Variants in PTPRD observed in about 807,000 individuals in gnomAD.
The protein encoded by PTPRD is receptor-type tyrosine-protein phosphatase delta.
In PTPRD, 34 loss-of-function variants were observed where a neutral mutation model predicts 214.5. That is an observed-to-expected ratio of 0.16 (90% CI 0.12 to 0.21). PTPRD has a LOEUF of 0.21. Ranked by LOEUF, PTPRD falls within the 10% of genes least tolerant of loss-of-function variation. The pLI, the probability that PTPRD is intolerant of heterozygous loss-of-function variation, is 1.00. For missense variants in PTPRD, 2,545 were observed against 2,398.7 expected (o/e 1.06, Z -1.27); for synonymous variants, 1,128 against 845.7 (o/e 1.33, Z -5.79).
chr9:10,317,418 T>G (rs2154424582), intron 3 of PTPRD, among the ~76,000 whole-genome samples: 1 of 152,072 alleles, frequency 6.6e-6, no homozygotes, highest in Admixed American at 6.6e-5. Context: ...AAATTTTCTT[T>G]TGTCAAACAA....
At chr9:9,762,871 G>A (rs1396695118) in intron 6 of PTPRD, among the ~76,000 whole-genome samples, 1 of 152,140 alleles carries the variant, frequency 6.6e-6, no homozygotes, top group Admixed American at 6.5e-5. Context: ...TAGACCAAGT[G>A]GCTTAAACAA....
At chr9:9,722,897 T>C (rs1564775183) in intron 7 of PTPRD, among the ~76,000 whole-genome samples, 1 of 152,096 alleles carries the variant, frequency 6.6e-6, no homozygotes, top group African/African-American at 2.4e-5. Context: ...TGGGTTGTCT[T>C]TTTATGTTTG....
intron 3 of PTPRD, among the ~76,000 whole-genome samples, chr9:10,143,583 G>A (rs948728329): frequency 1.3e-5 from 2 of 151,168 alleles, no homozygotes; most frequent in African/African-American, 4.9e-5. Context: ...AAAAAAAATT[G>A]TATCAAAAAG....
chr9:9,132,620 A>C (rs565225137), intron 10 of PTPRD, among the ~76,000 whole-genome samples: 1 of 152,316 alleles, frequency 6.6e-6, no homozygotes, highest in East Asian at 1.9e-4. Flanking sequence ...ATAAACAATA[A>C]GAAGAAGTCA....
chr9:10,566,320 C>A (rs1436534543), intron 2 of PTPRD, among the ~76,000 whole-genome samples: 1 of 151,772 alleles, frequency 6.6e-6, no homozygotes, highest in African/African-American at 2.4e-5. Flanking sequence ...TGTATATTGT[C>A]AGCTTTTCTA....
intron 8 of PTPRD, among the ~76,000 whole-genome samples, chr9:9,535,703 G>T (rs961302587): frequency 6.6e-6 from 1 of 152,034 alleles, no homozygotes; most frequent in Non-Finnish European, 1.5e-5. Flanking sequence ...GAGCAGAAAT[G>T]TGAGCTCACG....
chr9:10,488,747 C>T (rs1225305437), intron 2 of PTPRD, among the ~76,000 whole-genome samples: 1 of 152,138 alleles, frequency 6.6e-6, no homozygotes, highest in Non-Finnish European at 1.5e-5. Flanking sequence ...CCACCACAGG[C>T]CCATGGGGAG....
intron 33 of PTPRD, chr9:8,454,643 T>G: frequency 1.2e-6 from 2 of 1,602,104 alleles, no homozygotes; most frequent in African/African-American, 2.7e-5. Flanking sequence ...TAAATGTTAG[T>G]TGGCCAATGG....
At chr9:9,624,469 G>C (rs905140274) in intron 7 of PTPRD, among the ~76,000 whole-genome samples, 2 of 151,712 alleles carry the variant, frequency 1.3e-5, no homozygotes, top group Non-Finnish European at 2.9e-5. Context: ...TGTATTTTTA[G>C]TAGAGACAGG....
At chr9:10,509,780 G>A (rs1394994730) in intron 2 of PTPRD, among the ~76,000 whole-genome samples, 2 of 151,174 alleles carry the variant, frequency 1.3e-5, no homozygotes, top group Non-Finnish European at 2.9e-5. Flanking sequence ...TTATTAGAAT[G>A]TTACAATTTC....
At chr9:8,724,648 G>C (rs545864285) in intron 12 of PTPRD, among the ~76,000 whole-genome samples, 1 of 152,050 alleles carries the variant, frequency 6.6e-6, no homozygotes, top group East Asian at 1.9e-4. Flanking sequence ...CCACCACTTA[G>C]CCAGGCTCAT....
intron 2 of PTPRD, among the ~76,000 whole-genome samples, chr9:10,502,009 A>G (rs1047548995): frequency 5.3e-5 from 8 of 151,946 alleles, no homozygotes; most frequent in African/African-American, 1.9e-4. Context: ...CAGAGTTGAG[A>G]ACCACTGCTA....
At chr9:9,463,249 T>C (rs2093827881) in intron 8 of PTPRD, among the ~76,000 whole-genome samples, 1 of 152,190 alleles carries the variant, frequency 6.6e-6, no homozygotes, top group African/African-American at 2.4e-5. Flanking sequence ...TAGGGATCAT[T>C]GAATCCTTGA....
intron 3 of PTPRD, among the ~76,000 whole-genome samples, chr9:10,159,609 G>C (rs973081733): frequency 6.6e-6 from 1 of 151,586 alleles, no homozygotes; most frequent in Non-Finnish European, 1.5e-5. Context: ...TGATCTCCCA[G>C]ATAACATAGA....
chr9:8,916,628 C>T (rs971754161), intron 11 of PTPRD, among the ~76,000 whole-genome samples: 2 of 152,094 alleles, frequency 1.3e-5, no homozygotes, highest in African/African-American at 4.8e-5. Context: ...GTAAAATTAT[C>T]CTTCTTTACT....
At chr9:8,363,954 G>C (rs1459706689) in intron 39 of PTPRD, among the ~76,000 whole-genome samples, 1 of 152,192 alleles carries the variant, frequency 6.6e-6, no homozygotes, top group South Asian at 2.1e-4. Context: ...CTCGGCAGCT[G>C]TACTTATGTT....
intron 11 of PTPRD, among the ~76,000 whole-genome samples, chr9:8,869,757 G>A (rs1427123438): frequency 6.6e-6 from 1 of 151,496 alleles, no homozygotes; most frequent in African/African-American, 2.4e-5. Flanking sequence ...AATCACAGGT[G>A]GCACCATTTT....
At chr9:8,341,624 A>C (rs1198262383) in intron 40 of PTPRD, 69 bp downstream of exon 40, 2 of 1,548,012 alleles carry the variant, frequency 1.3e-6, no homozygotes, top group Non-Finnish European at 1.8e-6. Context: ...GGTTAAAGTA[A>C]AGCCACGACT....
At chr9:9,705,599 T>C (rs1009030743) in intron 7 of PTPRD, among the ~76,000 whole-genome samples, 2 of 152,130 alleles carry the variant, frequency 1.3e-5, no homozygotes, top group East Asian at 3.8e-4. Flanking sequence ...ATAGTAATAG[T>C]GTATGAGTAA....
Sources: allele counts gnomAD v4.1 joint callset (sites outside exome capture counted in the v4.1 genomes callset), GRCh38; gene constraint gnomAD v4.1.1; transcripts MANE v1.5; gene names NCBI Gene and HGNC (gene_info 2026-07-23, HGNC 2026-07-21).